Variants in TBX1 observed in about 807,000 individuals in gnomAD.
TBX1 encodes the protein T-box transcription factor 1.
Under a neutral mutation model 40.8 loss-of-function variants are expected in TBX1, and 16 were observed. The observed-to-expected ratio is 0.39, with a 90% CI of 0.27 to 0.60. The LOEUF (loss-of-function observed/expected upper bound fraction) is 0.60. TBX1 is among the 20% of genes least tolerant of loss of function. TBX1 has a pLI of 0.51. For missense variants in TBX1, 755 were observed against 728.5 expected (o/e 1.04, Z -0.42); for synonymous variants, 403 against 336.8 (o/e 1.20, Z -2.15).
intron 6 of TBX1, 147 bp downstream of exon 6, chr22:19,766,149 A>ACTCG: frequency 5.2e-6 from 4 of 768,330 alleles, no homozygotes; most frequent in Non-Finnish European, 6.4e-6. Flanking sequence ...GCAAGCGCGC[A>ACTCG]CTCGCCCGCC....
chr22:19,772,830 T>C (rs1285412621), intron 8 of TBX1, among the ~76,000 whole-genome samples: 1 of 152,168 alleles, frequency 6.6e-6, no homozygotes, highest in East Asian at 1.9e-4. Context: ...CAGTACGTCT[T>C]CCCAGGGCAG....
At chr22:19,771,468 C>A (rs946852871), downstream of TBX1, among the ~76,000 whole-genome samples, 2 of 152,226 alleles carry the variant, frequency 1.3e-5, no homozygotes, top group East Asian at 3.8e-4. Context: ...AAATATTTTG[C>A]TAAAACCAGC....
upstream of TBX1, among the ~76,000 whole-genome samples, chr22:19,758,487 G>C (rs1936535739): frequency 6.6e-6 from 1 of 152,216 alleles, no homozygotes. Flanking sequence ...GGATGCCTGG[G>C]CCTAGAAACC....
At chr22:19,769,014 G>T (rs1465256747), downstream of TBX1, among the ~76,000 whole-genome samples, 1 of 139,058 alleles carries the variant, frequency 7.2e-6, no homozygotes, top group Non-Finnish European at 1.5e-5. Context: ...AGGCCGGAAT[G>T]CCGTGGTGCG....
At chr22:19,779,151 C>T in intron 8 of TBX1, 2 of 1,568,050 alleles carry the variant, frequency 1.3e-6, no homozygotes, top group Non-Finnish European at 8.8e-7. Flanking sequence ...GCAGTCTGAT[C>T]TGCAAGAAAA....
downstream of TBX1, among the ~76,000 whole-genome samples, chr22:19,768,567 A>G (rs1936930082): frequency 6.6e-6 from 1 of 152,016 alleles, no homozygotes. Flanking sequence ...GCCCATTCCC[A>G]AGTCCTGATC....
chr22:19,772,251 C>T (rs542226206), downstream of TBX1, among the ~76,000 whole-genome samples: 18 of 152,062 alleles, frequency 1.2e-4, no homozygotes, highest in African/African-American at 2.4e-4. Context: ...TACAGATGTC[C>T]GCCACCACGC....
chr22:19,762,393 G>A (rs1482503150), intron 1 of TBX1, among the ~76,000 whole-genome samples: 2 of 152,250 alleles, frequency 1.3e-5, no homozygotes, highest in African/African-American at 4.8e-5. Context: ...AGGCAGAGGG[G>A]ACGGCAAGTG....
At chr22:19,768,953 C>CTTTTTTTTTTTTTTTTTTTTT (rs36085623), downstream of TBX1, among the ~76,000 whole-genome samples, 124 of 66,126 alleles carry the variant, frequency 1.9e-3, 19 homozygotes, top group Middle Eastern at 0.017. Flanking sequence ...TGTTCGCATT[C>CTTTTTTTTTTTTTTTTTTTTT]TTTTTTTTTT....
At chr22:19,760,593 G>A (rs563519210), upstream of TBX1, among the ~76,000 whole-genome samples, 98 of 132,964 alleles carry the variant, frequency 7.4e-4, no homozygotes, top group Admixed American at 3.0e-3. Flanking sequence ...GAGCCGCGGC[G>A]GGCGGGCTGG....
At chr22:19,762,067 TTC>T (rs1936686130) in intron 1 of TBX1, among the ~76,000 whole-genome samples, 1 of 152,226 alleles carries the variant, frequency 6.6e-6, no homozygotes, top group Admixed American at 6.5e-5. Flanking sequence ...TTCTCGTGGT[TTC>T]TGTTTCCCTG....
At chr22:19,780,316 T>A (rs1937127065), downstream of TBX1, among the ~76,000 whole-genome samples, 1 of 152,212 alleles carries the variant, frequency 6.6e-6, no homozygotes, top group African/African-American at 2.4e-5. Flanking sequence ...CTACTCTCTG[T>A]CTCTGTGAAT....
At chr22:19,759,352 A>C, upstream of TBX1, 2 of 367,788 alleles carry the variant, frequency 5.4e-6, no homozygotes, top group Non-Finnish European at 7.5e-6. Context: ...CCATGACGCC[A>C]TAATCCTCTG....
Position 19,761,143 on chromosome 22 carries a change from C to G in TBX1, c.300C>G (p.Ala100=). ...SAAAEPEGPG[A]SCAAAAKAPV... is the part of the protein sequence containing the mutation. Reference sequence around the variant, plus strand: ...CCGCCGAGCCCGAGGGCCCCGGGGCCAGCTGCGCGGCCGCAGCCAAGGCGC... The same window carrying G: ...CCGCCGAGCCCGAGGGCCCCGGGGCGAGCTGCGCGGCCGCAGCCAAGGCGC... Residue 100 remains alanine, a synonymous_variant, in exon 1 of 7, where the codon GCC becomes GCG. Transcript: ENST00000649276. 1 of 1,472,586 alleles carries G rather than the reference C, an allele frequency of 6.8e-7. No individual in the cohort carries two copies. Among genetic ancestry groups the G allele is most frequent in the South Asian group, 1.3e-5 (1 of 78,942 alleles). 91.2% of individuals were successfully genotyped at this position (1,472,586 alleles called of 1,614,324 possible). A position where few individuals can be genotyped will look rare whatever the true frequency, so the allele number is the denominator to read the frequency against.
rs1206367014 is a variant in TBX1 at position 19,763,481 on chromosome 22, T to C, written c.539+139T>C. ...CTGCGATGCTGCCCGATCAACCCGC[T>C]CCCTCCTCCACTCCCATCTGACCCC... is the stretch of plus-strand genomic sequence containing the variant. On this transcript the variant is annotated intron_variant, in intron 2 of 6. Transcript: ENST00000649276. 4.1e-6 allele frequency: 3 copies of C among 728,530 alleles called. No homozygotes were observed. The Admixed American group carries it at 6.2e-5, about 15-fold the overall frequency. 45.1% of individuals were successfully genotyped at this position (728,530 alleles called of 1,614,324 possible). A position where few individuals can be genotyped will look rare whatever the true frequency, so the allele number is the denominator to read the frequency against.
In TBX1 at chr22:19,766,538, G is replaced by C. The variant is rs1377774172; in HGVS notation, c.1186G>C (p.Gly396Arg). 35 of 1,346,282 alleles carry C rather than the reference G, an allele frequency of 2.6e-5. No individual in the cohort carries two copies. The highest frequency in any genetic ancestry group is 3.3e-5 in the Non-Finnish European group (35 of 1,053,578). 83.4% of individuals were successfully genotyped at this position (1,346,282 alleles called of 1,614,324 possible). Reference sequence around the variant, plus strand: ...CGCCGGCGGCTTAGTCCCGCTGCCCGGCGCGCCCGGAGGCCGGCCCAGTCC... The same window carrying C: ...CGCCGGCGGCTTAGTCCCGCTGCCCCGCGCGCCCGGAGGCCGGCCCAGTCC... ...GGAGGLVPLP[G>R]APGGRPSPPN... The change falls in exon 7 of 7, where the codon GGC becomes CGC. Residue 396 changes from glycine to arginine, a missense_variant. Physicochemically the swap from Gly to Arg is moderately radical, Grantham distance 125. This residue lies in a region of TBX1 where 412 missense variants were observed against 317.6 expected (regional missense o/e 1.30). Transcript: ENST00000649276.
At chr22:19,769,415 T>A, downstream of TBX1, among the ~76,000 whole-genome samples, 2 of 152,240 alleles carry the variant, frequency 1.3e-5, 1 homozygote, top group East Asian at 3.9e-4. Flanking sequence ...AGTGTGGGTT[T>A]CCTCCCCTCC....
downstream of TBX1, among the ~76,000 whole-genome samples, chr22:19,769,650 C>T (rs1189907187): frequency 2.6e-5 from 4 of 152,230 alleles, no homozygotes; most frequent in Admixed American, 6.5e-5. Context: ...GTGGAGGTGA[C>T]GTTCCCATGG....
chr22:19,764,657 G>A (rs925412427), intron 3 of TBX1, among the ~76,000 whole-genome samples: 7 of 152,244 alleles, frequency 4.6e-5, no homozygotes, highest in African/African-American at 1.7e-4. Flanking sequence ...ATGGGGCCCT[G>A]CAAGGGGGCT....
Sources: allele counts gnomAD v4.1 joint callset (sites outside exome capture counted in the v4.1 genomes callset), GRCh38; gene constraint gnomAD v4.1.1; regional missense constraint gnomAD v4.1.1; transcripts MANE v1.5; gene names NCBI Gene and HGNC (gene_info 2026-07-23, HGNC 2026-07-21).